Variants in PRKCH observed in about 807,000 individuals in gnomAD.
The protein encoded by PRKCH is protein kinase C eta.
Under a neutral mutation model 82.5 loss-of-function variants are expected in PRKCH, and 28 were observed. That is an observed-to-expected ratio of 0.34 (90% CI 0.25 to 0.47). The LOEUF is 0.47. Among genes scored for constraint, PRKCH ranks in the 20% least tolerant of loss-of-function variants. The pLI is 1.00. For synonymous variants in PRKCH, 322 were observed against 327.4 expected (o/e 0.98, Z 0.18); for missense variants, 705 against 881.8 (o/e 0.80, Z 2.54).
At chr14:61,229,545 A>G (rs2044724264) in intron 1 of PRKCH, among the ~76,000 whole-genome samples, 1 of 152,144 alleles carries the variant, frequency 6.6e-6, no homozygotes, top group Non-Finnish European at 1.5e-5. Context: ...TGGCTGTTTT[A>G]CCCTTTGCTG....
intron 1 of PRKCH, among the ~76,000 whole-genome samples, chr14:61,308,749 C>A (rs2045500199): frequency 1.3e-5 from 2 of 152,168 alleles, no homozygotes; most frequent in African/African-American, 4.8e-5. Context: ...CCACCTCAGC[C>A]TCCCGAGGAG....
chr14:61,227,712 G>A (rs554398761), intron 1 of PRKCH, among the ~76,000 whole-genome samples: 4 of 151,948 alleles, frequency 2.6e-5, no homozygotes, highest in African/African-American at 2.4e-5. Flanking sequence ...AAGTAATCGC[G>A]GTTTTTGCCA....
chr14:61,523,217 G>C (rs1408029032), intron 10 of PRKCH, among the ~76,000 whole-genome samples: 2 of 152,286 alleles, frequency 1.3e-5, no homozygotes, highest in East Asian at 3.9e-4. Flanking sequence ...GTATCCTCAA[G>C]GACTCTGTAA....
intron 10 of PRKCH, among the ~76,000 whole-genome samples, chr14:61,514,314 TAAAAA>T (rs546556676): frequency 3.6e-4 from 47 of 132,130 alleles, no homozygotes; most frequent in African/African-American, 1.2e-3. Context: ...TCTTCTCCTT[TAAAAA>T]AAAAAAAAAA....
At chr14:61,223,707 C>T (rs1277774783) in intron 1 of PRKCH, among the ~76,000 whole-genome samples, 1 of 152,190 alleles carries the variant, frequency 6.6e-6, no homozygotes, top group Non-Finnish European at 1.5e-5. Flanking sequence ...GAATAAGAGG[C>T]TCTGCTTGCC....
rs2045129544 is a variant in PRKCH, at chr14:61,269,165, T to TG, written c.-19+81497_-19+81498insG. Among the ~76,000 whole-genome samples, 3 of 152,256 alleles carry TG rather than the reference T, an allele frequency of 2.0e-5. No individual in the cohort carries two copies. The South Asian group carries it at 6.2e-4, about 32-fold the overall frequency. ...ATGACATAGTTGTAAAACTAACATA[T>TG]TTGTGAAAAAGTTTTTTTAGAGAAA... On this transcript the variant is annotated intron_variant, in intron 1 of 3. Coordinates refer to the PRKCH transcript ENST00000555185.
At chr14:61,545,962 T>C (rs2043252010) in intron 12 of PRKCH, among the ~76,000 whole-genome samples, 2 of 152,214 alleles carry the variant, frequency 1.3e-5, no homozygotes, top group Admixed American at 1.3e-4. Context: ...CTCTCTCACA[T>C]CATTGGCAGG....
intron 1 of PRKCH, among the ~76,000 whole-genome samples, chr14:61,236,361 G>C (rs1009353906): frequency 2.0e-5 from 3 of 152,150 alleles, no homozygotes; most frequent in African/African-American, 7.2e-5. Context: ...TGAGCTAGGA[G>C]GTCAGCACAA....
intron 1 of PRKCH, chr14:61,278,867 A>G (rs2045227460): frequency 6.6e-6 from 1 of 152,158 alleles, no homozygotes; most frequent in South Asian, 2.1e-4. Flanking sequence ...ATATGCTTTA[A>G]CATTGATTCA....
rs1041980840 is a variant in PRKCH at position 61,333,012 on chromosome 14, A to T, written c.363+10548A>T. On this transcript the variant is annotated intron_variant, in intron 1 of 13. Coordinates refer to ENST00000332981, the MANE Select transcript of PRKCH (RefSeq NM_006255.5). The stretch of plus-strand genomic sequence containing the variant: ...CTGAAATATATTCAGGAGACTTCTG[A>T]TACTCAGATTTGTTCTGGGCTCTGA... 2.6e-5 allele frequency among the ~76,000 whole-genome samples: 4 copies of T among 152,166 alleles called. 1 individual carries two copies. Among genetic ancestry groups the T allele is most frequent in the Non-Finnish European group, 5.9e-5 (4 of 68,022 alleles).
At chr14:61,213,330 G>T (rs1015727682) in intron 1 of PRKCH, among the ~76,000 whole-genome samples, 2 of 152,126 alleles carry the variant, frequency 1.3e-5, no homozygotes, top group African/African-American at 4.8e-5. Context: ...TGTGACATTT[G>T]TCTGAGTCAT....
chr14:61,246,777 A>G (rs189289140), intron 1 of PRKCH, among the ~76,000 whole-genome samples: 81 of 152,248 alleles, frequency 5.3e-4, no homozygotes, highest in African/African-American at 1.8e-3. Context: ...TTATAGAGAC[A>G]GAGTCTCCCT....
chr14:61,535,876 G>A (rs1810917987), intron 12 of PRKCH, among the ~76,000 whole-genome samples: 1 of 152,214 alleles, frequency 6.6e-6, no homozygotes, highest in Non-Finnish European at 1.5e-5. Flanking sequence ...AACCATCAAG[G>A]CTGAGTGATG....
Position 61,222,129 on chromosome 14 carries a change from C to A in PRKCH, c.-19+34461C>A, listed in dbSNP as rs552203170. ...TCTGTAAAGTGATATTTGCCCCTTTCTAATCACAGAAAAGTTGTCAGACTG... is the reference window on the plus strand; with the variant it reads ...TCTGTAAAGTGATATTTGCCCCTTTATAATCACAGAAAAGTTGTCAGACTG... On this transcript the variant is annotated intron_variant, in intron 1 of 3. Coordinates refer to the PRKCH transcript ENST00000555185. 3.3e-5 allele frequency among the ~76,000 whole-genome samples: 5 copies of A among 152,316 alleles called. No homozygotes were observed. In the South Asian group the frequency reaches 1.0e-3, roughly 32 times the overall value.
At chr14:61,344,882 C>T (rs920835758) in intron 1 of PRKCH, among the ~76,000 whole-genome samples, 1 of 152,070 alleles carries the variant, frequency 6.6e-6, no homozygotes, top group Non-Finnish European at 1.5e-5. Context: ...TATTTTTAGC[C>T]CGGTGGCCAC....
chr14:61,351,972 CGGA>C (rs1224390729), intron 1 of PRKCH, among the ~76,000 whole-genome samples: 1 of 152,134 alleles, frequency 6.6e-6, no homozygotes, highest in Non-Finnish European at 1.5e-5. Flanking sequence ...TGCTCCCTAA[CGGA>C]GAAGTTGCTT....
At chr14:61,414,513 T>G (rs1336150857) in intron 2 of PRKCH, among the ~76,000 whole-genome samples, 1 of 151,998 alleles carries the variant, frequency 6.6e-6, no homozygotes, top group African/African-American at 2.4e-5. Flanking sequence ...CCCCAAGTGA[T>G]CTGCCTGCCT....
At position 61,549,695 on chromosome 14, in the gene PRKCH, A is replaced by C; in HGVS notation, c.1916A>C (p.Glu639Ala). 1 of 1,611,524 alleles carries C rather than the reference A, an allele frequency of 6.2e-7. No individual in the cohort carries two copies. Among genetic ancestry groups the C allele is most frequent in the Non-Finnish European group, 8.5e-7 (1 of 1,179,510 alleles). ...PPFRPRIKSR[E>A]DVSNFDPDFI... is the part of the protein sequence containing the mutation. ...TTTTTTTTTTGGCAGAAATCCCGAG[A>C]AGATGTCAGTAATTTTGACCCTGAC... is the stretch of plus-strand genomic sequence containing the variant. The change falls in exon 14 of 14, where the codon GAA becomes GCA. Residue 639 changes from glutamate (E) to alanine (A), a missense_variant. This residue lies in a region of PRKCH where 91 missense variants were observed against 81.2 expected (regional missense o/e 1.12). Transcript: ENST00000332981.
intron 1 of PRKCH, among the ~76,000 whole-genome samples, chr14:61,385,949 T>C (rs1383421634): frequency 6.6e-6 from 1 of 152,164 alleles, no homozygotes; most frequent in Non-Finnish European, 1.5e-5. Flanking sequence ...CTTGAATTGA[T>C]GGACAAATAG....
Sources: allele counts gnomAD v4.1 joint callset (sites outside exome capture counted in the v4.1 genomes callset), GRCh38; gene constraint gnomAD v4.1.1; regional missense constraint gnomAD v4.1.1; transcripts MANE v1.5; gene names NCBI Gene and HGNC (gene_info 2026-07-23, HGNC 2026-07-21).